Variants in TMIGD3 observed in about 807,000 individuals in gnomAD.
TMIGD3 encodes the protein transmembrane and immunoglobulin domain containing 3.
In TMIGD3, 21 loss-of-function variants were observed where a neutral mutation model predicts 28.1. The ratio of observed to expected loss-of-function variants is 0.75; its 90% CI spans 0.53 to 1.08. TMIGD3 has a LOEUF of 1.08. Ranked by LOEUF, TMIGD3 falls within the 50% of genes least tolerant of loss-of-function variation. The pLI is 0.00. For missense variants in TMIGD3, 416 were observed against 435.6 expected (o/e 0.96, Z 0.40); for synonymous variants, 151 against 162.1 (o/e 0.93, Z 0.52).
At chr1:111,508,880 A>ACGTT in intron 1 of TMIGD3, among the ~76,000 whole-genome samples, 1 of 152,308 alleles carries the variant, frequency 6.6e-6, no homozygotes, top group Middle Eastern at 3.4e-3. Context: ...GCGGATCACG[A>ACGTT]GGTCAGGCGT....
chr1:111,499,989 A>G (rs752452241), intron 1 of TMIGD3: 3 of 1,614,160 alleles, frequency 1.9e-6, no homozygotes, highest in Admixed American at 1.7e-5. Context: ...CCAAAGAATC[A>G]GAGGGATGGC....
upstream of TMIGD3, chr1:111,504,825 C>T (rs1384195987): frequency 8.1e-6 from 8 of 982,856 alleles, no homozygotes; most frequent in African/African-American, 1.7e-5. Flanking sequence ...CCGACCCCCA[C>T]CCTGTATCCC....
At chr1:111,562,055 A>C (rs1657762489) in intron 1 of TMIGD3, among the ~76,000 whole-genome samples, 1 of 152,122 alleles carries the variant, frequency 6.6e-6, no homozygotes, top group Non-Finnish European at 1.5e-5. Context: ...CTCAACTGGG[A>C]CAGCCACCCC....
At chr1:111,534,611 C>T (rs11580379) in intron 1 of TMIGD3, among the ~76,000 whole-genome samples, 19,234 of 152,128 alleles carry the variant, frequency 0.13, 1,321 homozygotes, top group African/African-American at 0.17. Context: ...TTTTTCCTGC[C>T]CCTTCCCATG....
chr1:111,500,318 A>G (rs779990534), intron 1 of TMIGD3: 49 of 1,614,162 alleles, frequency 3.0e-5, no homozygotes, highest in Non-Finnish European at 4.1e-5. Flanking sequence ...ATGTCAAGAT[A>G]GATGGCGCAC....
At chr1:111,522,562 G>C (rs971148707) in intron 1 of TMIGD3, among the ~76,000 whole-genome samples, 2 of 150,510 alleles carry the variant, frequency 1.3e-5, no homozygotes, top group Non-Finnish European at 3.0e-5. Flanking sequence ...TGTCACCCAG[G>C]CTGAAGTGCA....
chr1:111,534,646 C>G (rs1176236067), intron 1 of TMIGD3, among the ~76,000 whole-genome samples: 1 of 152,142 alleles, frequency 6.6e-6, no homozygotes, highest in Non-Finnish European at 1.5e-5. Flanking sequence ...GAACTGATCC[C>G]TCAGGGAAGG....
chr1:111,499,509 T>C (rs3394), intron 1 of TMIGD3: 809,891 of 996,318 alleles, frequency 0.81, 329,671 homozygotes, highest in Middle Eastern at 0.87. Context: ...CAGTTTATTT[T>C]TTCTGTTCCC....
intron 1 of TMIGD3, among the ~76,000 whole-genome samples, chr1:111,556,918 C>T (rs114390340): frequency 0.082 from 12,117 of 148,558 alleles, 1,143 homozygotes; most frequent in African/African-American, 0.23. Flanking sequence ...TATGTATGTA[C>T]ATATATATTA....
chr1:111,502,686 A>G (rs927032993), intron 1 of TMIGD3, among the ~76,000 whole-genome samples: 1 of 151,036 alleles, frequency 6.6e-6, no homozygotes, highest in Admixed American at 6.7e-5. Flanking sequence ...CTAAAACTGA[A>G]GAGCATTTTT....
In TMIGD3 at chr1:111,560,923, T is replaced by C. The variant is rs939482903; in HGVS notation, c.107+2923A>G. Among the ~76,000 whole-genome samples the C allele has an allele frequency of 2.6e-5, 4 of 152,318 alleles. 1 individual carries two copies. The highest frequency in any genetic ancestry group is 6.5e-5 in the Admixed American group (1 of 15,300). On this transcript the variant is annotated intron_variant, in intron 1 of 5. Coordinates refer to the TMIGD3 transcript ENST00000369717. ...GTAGCCCAATTTGCTCTTCCTCCTG[T>C]AACAACCGCACCAGATCTCTGGCTG...
rs77543098 is a variant in TMIGD3, at chr1:111,500,860, G to A, written c.350+2145C>T. 1.2e-3 allele frequency: 596 copies of A among 484,028 alleles called. 3 individuals carry two copies. Among genetic ancestry groups the A allele is most frequent in the African/African-American group, 0.01 (529 of 52,384 alleles). The allele number at this position is 484,028 out of a possible 1,614,324, so 30.0% of individuals were successfully genotyped here. A position where few individuals can be genotyped will look rare whatever the true frequency, so the allele number is the denominator to read the frequency against. On this transcript the variant is annotated intron_variant, in intron 1 of 5. Transcript: ENST00000369716. ...ATGTTGCCTAGAGTCAAGTGCTTAC[G>A]TGCTCCACTCAGGGCTCCACTTACT...
intron 1 of TMIGD3, among the ~76,000 whole-genome samples, chr1:111,516,588 A>G (rs1655876705): frequency 6.6e-6 from 1 of 152,160 alleles, no homozygotes; most frequent in Non-Finnish European, 1.5e-5. Flanking sequence ...AGGACACACA[A>G]TGACACCAAC....
At chr1:111,529,664 T>A (rs1656383943) in intron 1 of TMIGD3, among the ~76,000 whole-genome samples, 1 of 151,198 alleles carries the variant, frequency 6.6e-6, no homozygotes, top group Non-Finnish European at 1.5e-5. Flanking sequence ...AGCACATGTT[T>A]CAGAGAGCAC....
At chr1:111,524,027 T>C (rs1656171168) in intron 1 of TMIGD3, among the ~76,000 whole-genome samples, 1 of 123,812 alleles carries the variant, frequency 8.1e-6, no homozygotes, top group Non-Finnish European at 1.7e-5. Context: ...TTCTTTCTTT[T>C]CTTTTTTTTT....
At chr1:111,505,021 C>T (rs999557595), upstream of TMIGD3, 4 of 984,754 alleles carry the variant, frequency 4.1e-6, no homozygotes, top group Non-Finnish European at 4.8e-6. Flanking sequence ...CTTCATCGGC[C>T]TCCAATGTGT....
At chr1:111,502,267 G>C (rs1439935919) in intron 1 of TMIGD3, among the ~76,000 whole-genome samples, 1 of 66,164 alleles carries the variant, frequency 1.5e-5, no homozygotes, top group African/African-American at 5.7e-5. Flanking sequence ...AAATATATAG[G>C]ATATATATTC....
At chr1:111,515,079 A>G (rs1250547471) in intron 1 of TMIGD3, among the ~76,000 whole-genome samples, 1 of 152,230 alleles carries the variant, frequency 6.6e-6, no homozygotes, top group Non-Finnish European at 1.5e-5. Flanking sequence ...AACCTTGAGA[A>G]GTGGGATTTG....
intron 1 of TMIGD3, among the ~76,000 whole-genome samples, 171 bp downstream of exon 1, chr1:111,502,834 C>G (rs1242914507): frequency 6.6e-6 from 1 of 151,934 alleles, no homozygotes; most frequent in African/African-American, 2.4e-5. Context: ...TGAGTCCCAG[C>G]CCATTGTTGC....
Sources: allele counts gnomAD v4.1 joint callset (sites outside exome capture counted in the v4.1 genomes callset), GRCh38; gene constraint gnomAD v4.1.1; transcripts MANE v1.5; gene names NCBI Gene and HGNC (gene_info 2026-07-23, HGNC 2026-07-21).